DLGAP2: variants seen among roughly 807,000 people sequenced by gnomAD.
DLGAP2 encodes the protein disks large-associated protein 2.
In DLGAP2, 26 loss-of-function variants were observed where a neutral mutation model predicts 100.3. The observed-to-expected ratio is 0.26, with a 90% CI of 0.19 to 0.36. The LOEUF is 0.36. Among genes scored for constraint, DLGAP2 ranks in the 10% least tolerant of loss-of-function variants. DLGAP2 has a pLI of 1.00. For missense variants in DLGAP2, 1,858 were observed against 1,453.2 expected (o/e 1.28, Z -4.53); for synonymous variants, 886 against 630.1 (o/e 1.41, Z -6.08).
In DLGAP2 at chr8:1,039,938, G is replaced by T. The variant is rs111248878; in HGVS notation, c.73+131972G>T. ...CGTGGTCAGCTCGGTGTGCATGGTC[G>T]GCTCAGTTTCCGTGGTCAGCTCGGT... On this transcript the variant is annotated intron_variant, in intron 2 of 14. Coordinates refer to ENST00000637795, the MANE Select transcript of DLGAP2 (RefSeq NM_001346810.2). Among the ~76,000 whole-genome samples, 56 of 120,352 alleles carry T rather than the reference G, an allele frequency of 4.7e-4. 1 individual carries two copies. Among genetic ancestry groups the T allele is most frequent in the Admixed American group, 8.5e-4 (10 of 11,720 alleles). The allele number at this position is 120,352 out of a possible 152,430, so 79.0% of individuals were successfully genotyped here.
intron 3 of DLGAP2, among the ~76,000 whole-genome samples, chr8:1,363,322 G>A (rs1013958045): frequency 6.6e-5 from 10 of 151,660 alleles, no homozygotes; most frequent in Non-Finnish European, 4.4e-5. Context: ...TCCCACGCCC[G>A]TGGCATGCTT....
At chr8:1,068,280 G>A (rs757349834) in intron 2 of DLGAP2, among the ~76,000 whole-genome samples, 16 of 152,202 alleles carry the variant, frequency 1.1e-4, no homozygotes, top group East Asian at 1.9e-4. Flanking sequence ...GCAGGCTTTC[G>A]TGTGGATGTA....
At chr8:920,040 A>T (rs769873472) in intron 2 of DLGAP2, among the ~76,000 whole-genome samples, 1 of 152,166 alleles carries the variant, frequency 6.6e-6, no homozygotes, top group African/African-American at 2.4e-5. Context: ...TGTTACAGAG[A>T]AAGCACGCGG....
At chr8:1,356,998 G>A (rs188288771) in intron 3 of DLGAP2, among the ~76,000 whole-genome samples, 72 of 150,916 alleles carry the variant, frequency 4.8e-4, no homozygotes, top group East Asian at 1.5e-3. Context: ...AACACACAGC[G>A]GGGTAGGGCT....
chr8:1,202,519 T>C (rs771811832), intron 2 of DLGAP2, among the ~76,000 whole-genome samples: 13 of 152,106 alleles, frequency 8.5e-5, no homozygotes, highest in Non-Finnish European at 1.9e-4. Flanking sequence ...CAAAAACATG[T>C]TTTAAGGAAT....
chr8:1,213,194 G>A (rs560007513), intron 2 of DLGAP2, among the ~76,000 whole-genome samples: 9 of 152,078 alleles, frequency 5.9e-5, no homozygotes, highest in African/African-American at 9.7e-5. Flanking sequence ...GCTGTTTTGC[G>A]GGTGTCATAC....
intron 2 of DLGAP2, among the ~76,000 whole-genome samples, chr8:1,210,777 G>C (rs1005530771): frequency 6.6e-5 from 10 of 151,456 alleles, no homozygotes; most frequent in Non-Finnish European, 1.5e-4. Context: ...GTGGATCCTG[G>C]GTCCCTTCCA....
chr8:1,153,328 T>C lies in DLGAP2; in HGVS notation c.74-105523T>C, dbSNP rs528663344. 1.2e-4 allele frequency among the ~76,000 whole-genome samples: 18 copies of C among 152,322 alleles called. No individual in the cohort carries two copies. The East Asian group carries it at 2.9e-3, about 25-fold the overall frequency. On this transcript the variant is annotated intron_variant, in intron 2 of 14. Transcript: ENST00000637795. ...CACTGGCTATGCCTAAATCATAACT[T>C]GCCTACCTCAAGAGCTATAAAAGGC...
At chr8:1,110,343 T>C (rs1487955269) in intron 2 of DLGAP2, among the ~76,000 whole-genome samples, 3 of 81,622 alleles carry the variant, frequency 3.7e-5, no homozygotes, top group African/African-American at 9.3e-5. Context: ...GTCTGTGACA[T>C]GTGCTGGGTC....
intron 13 of DLGAP2, among the ~76,000 whole-genome samples, chr8:1,692,546 C>G (rs1032627597): frequency 6.6e-6 from 1 of 152,088 alleles, no homozygotes; most frequent in Non-Finnish European, 1.5e-5. Context: ...AGCAGCGCGG[C>G]GTGACACTGT....
chr8:1,012,214 C>T (rs140395425), intron 2 of DLGAP2, among the ~76,000 whole-genome samples: 1 of 152,190 alleles, frequency 6.6e-6, no homozygotes, highest in Non-Finnish European at 1.5e-5. Flanking sequence ...CCTGACATGT[C>T]TGACACCCCT....
At chr8:1,051,340 C>G (rs541112611) in intron 2 of DLGAP2, among the ~76,000 whole-genome samples, 1 of 152,286 alleles carries the variant, frequency 6.6e-6, no homozygotes, top group East Asian at 1.9e-4. Context: ...TCAGATCCAG[C>G]TGCATCTTCT....
Position 1,704,598 on chromosome 8 carries a change from G to C in DLGAP2, c.*3192G>C, listed in dbSNP as rs1270870006. 2.6e-5 allele frequency: 4 copies of C among 152,092 alleles called. No individual in the cohort carries two copies. The highest frequency in any genetic ancestry group is 5.9e-5 in the Non-Finnish European group (4 of 68,026). 9.4% of individuals were successfully genotyped at this position (152,092 alleles called of 1,614,324 possible). ...TCAGCAAATTTATATCACCATCTTA[G>C]AATGGTATATAAAAAAATTGAACTG... On this transcript the variant is annotated 3_prime_UTR_variant, in exon 15 of 15. Transcript: ENST00000637795.
At chr8:1,254,689 C>T (rs1050457441) in intron 2 of DLGAP2, among the ~76,000 whole-genome samples, 3 of 134,204 alleles carry the variant, frequency 2.2e-5, no homozygotes, top group African/African-American at 1.1e-4. Flanking sequence ...TCCCAGGAAC[C>T]TCCTGCCTTA....
At chr8:1,233,068 C>G (rs965942123) in intron 2 of DLGAP2, among the ~76,000 whole-genome samples, 3 of 152,206 alleles carry the variant, frequency 2.0e-5, no homozygotes, top group Middle Eastern at 3.2e-3. Flanking sequence ...CCACTTAGCA[C>G]CACGTGTTCA....
chr8:870,823 G>T (rs187266463), intron 1 of DLGAP2, among the ~76,000 whole-genome samples: 24 of 152,198 alleles, frequency 1.6e-4, no homozygotes, highest in Non-Finnish European at 2.8e-4. Context: ...GCCGGGCCGG[G>T]CCTGGAGTCT....
intron 2 of DLGAP2, among the ~76,000 whole-genome samples, chr8:1,050,285 C>G (rs1259183527): frequency 6.6e-6 from 1 of 152,216 alleles, no homozygotes; most frequent in African/African-American, 2.4e-5. Flanking sequence ...AAACATGATA[C>G]AGGTTTCCTG....
chr8:868,538 C>T (rs181998118), intron 1 of DLGAP2, among the ~76,000 whole-genome samples: 30 of 152,276 alleles, frequency 2.0e-4, no homozygotes, highest in African/African-American at 5.3e-4. Flanking sequence ...CTCAAGTGAC[C>T]GGAGACGGTG....
chr8:1,528,242 C>G (rs568828603), intron 4 of DLGAP2, among the ~76,000 whole-genome samples: 50 of 152,284 alleles, frequency 3.3e-4, no homozygotes, highest in African/African-American at 1.2e-3. Context: ...GGCCACTGGC[C>G]AGGTCTAGGC....
Sources: gnomAD v4.1 joint callset for allele counts (sites outside exome capture counted in the v4.1 genomes callset) on GRCh38, gnomAD v4.1.1 for gene constraint, MANE v1.5 for transcripts, NCBI Gene and HGNC (gene_info 2026-07-23, HGNC 2026-07-21) for gene names.